BPIFB4: variants seen among roughly 807,000 people sequenced by gnomAD.
BPIFB4 encodes the protein BPI fold-containing family B member 4.
A neutral mutation model predicts 69.2 loss-of-function variants in BPIFB4; 62 were observed. The observed-to-expected ratio is 0.90, with a 90% confidence interval of 0.73 to 1.11. BPIFB4 has a LOEUF of 1.11. Ranked by LOEUF, BPIFB4 falls within the 50% of genes least tolerant of loss-of-function variation. BPIFB4 has a pLI of 0.00. For synonymous variants in BPIFB4, 330 were observed against 332.7 expected (o/e 0.99, Z 0.09); for missense variants, 789 against 792.0 (o/e 1.00, Z 0.04).
intron 7 of BPIFB4, among the ~76,000 whole-genome samples, chr20:33,086,441 CTTTGAAAAGG>C (rs1981432903): frequency 6.6e-6 from 1 of 152,184 alleles, no homozygotes; most frequent in African/African-American, 2.4e-5. Flanking sequence ...TTCTTTCCAG[CTTTGAAAAGG>C]TTTTGATCTG....
intron 11 of BPIFB4, among the ~76,000 whole-genome samples, chr20:33,094,197 C>T (rs970381961): frequency 3.3e-5 from 5 of 152,202 alleles, no homozygotes; most frequent in African/African-American, 1.2e-4. Context: ...TAAGAGAGAA[C>T]AGAGCTCATG....
At chr20:33,085,927 G>T in intron 6 of BPIFB4, 94 bp from the exon 7 acceptor site, 1 of 1,444,216 alleles carries the variant, frequency 6.9e-7, no homozygotes. Flanking sequence ...GAGCGTAGCA[G>T]ATGGCAGGGA....
chr20:33,085,033 C>T (rs1981382592), intron 6 of BPIFB4, 37 bp downstream of exon 6: 1 of 1,593,562 alleles, frequency 6.3e-7, no homozygotes, highest in Non-Finnish European at 8.5e-7. Context: ...CCCCACCACC[C>T]TATGGCCCAA....
chr20:33,097,940 G>T (rs889572928), intron 13 of BPIFB4, among the ~76,000 whole-genome samples, 153 bp downstream of exon 13: 3 of 152,092 alleles, frequency 2.0e-5, no homozygotes, highest in African/African-American at 7.2e-5. Flanking sequence ...CCCAAATCTA[G>T]CCTTTACCAC....
At chr20:33,101,562 C>T (rs1981909166) in intron 14 of BPIFB4, among the ~76,000 whole-genome samples, 1 of 152,084 alleles carries the variant, frequency 6.6e-6, no homozygotes, top group African/African-American at 2.4e-5. Context: ...CTTTCTTTTT[C>T]TTTTCTTTTG....
chr20:33,083,799 G>T lies in BPIFB4; in HGVS notation c.602G>T (p.Gly201Val), dbSNP rs927599334. 3 of 1,613,606 alleles carry T rather than the reference G, an allele frequency of 1.9e-6. No individual in the cohort carries two copies. Among genetic ancestry groups the T allele is most frequent in the African/African-American group, 1.3e-5 (1 of 74,900 alleles). ...GGAGGTGGTCTCCTTGGTGATGGAG[G>T]ACTTCTTGGAGGAGGGGGTGTCCTG... ...LGGGGLLGDG[G>V]LLGGGGVLGV... The change falls in exon 5 of 18, where the codon GGA (glycine) becomes GTA (valine). Residue 201 changes from glycine to valine, a missense_variant. Transcript: ENST00000375483.
chr20:33,085,069 A>G (rs1981384333), intron 6 of BPIFB4, 73 bp downstream of exon 6: 6 of 1,542,706 alleles, frequency 3.9e-6, no homozygotes, highest in Non-Finnish European at 5.2e-6. Flanking sequence ...CACAGAGGCT[A>G]GGAAGACCTA....
chr20:33,105,414 G>A (rs1002507312), intron 16 of BPIFB4, among the ~76,000 whole-genome samples: 1 of 152,110 alleles, frequency 6.6e-6, no homozygotes, highest in Non-Finnish European at 1.5e-5. Flanking sequence ...CCCAGAATCT[G>A]CCCCCCTAGG....
intron 6 of BPIFB4, 53 bp downstream of exon 6, chr20:33,085,049 G>T: frequency 1.3e-6 from 2 of 1,578,034 alleles, no homozygotes; most frequent in Non-Finnish European, 1.7e-6. Context: ...CCCAACCTCT[G>T]TATCCATAAC....
intron 15 of BPIFB4, 98 bp from the exon 16 acceptor site, chr20:33,104,712 T>C: frequency 8.8e-7 from 1 of 1,139,472 alleles, no homozygotes; most frequent in South Asian, 1.4e-5. Flanking sequence ...CCAGAGCAGG[T>C]CTGTGTCTCC....
rs1299798718 is a variant in BPIFB4 at position 33,083,357 on chromosome 20, T to A, written c.170-10T>A. 4 of 1,609,202 alleles carry A rather than the reference T, an allele frequency of 2.5e-6. No homozygotes were observed. The highest frequency in any genetic ancestry group is 1.3e-5 in the African/African-American group (1 of 74,758). On this transcript the variant is annotated splice_polypyrimidine_tract_variant and intron_variant, in intron 4 of 17. Coordinates refer to ENST00000375483, the MANE Select transcript of BPIFB4 (RefSeq NM_182519.3). ...TTACAATGACTACAGACGCATTGAA[T>A]TCCCCCGAGGTGTTGGTGATATTCC...
At chr20:33,106,026 C>T (rs756940357) in intron 16 of BPIFB4, among the ~76,000 whole-genome samples, 35 of 152,284 alleles carry the variant, frequency 2.3e-4, no homozygotes, top group Non-Finnish European at 3.2e-4. Context: ...CATGGCCGAG[C>T]AAGTTTGGGA....
intron 13 of BPIFB4, among the ~76,000 whole-genome samples, chr20:33,099,414 C>T (rs958205902): frequency 2.0e-5 from 3 of 152,170 alleles, no homozygotes; most frequent in African/African-American, 7.2e-5. Flanking sequence ...GGAGATTTTC[C>T]ATCAGCAGCT....
intron 3 of BPIFB4, among the ~76,000 whole-genome samples, chr20:33,082,479 G>A (rs573042951): frequency 7.2e-5 from 11 of 152,004 alleles, no homozygotes; most frequent in Non-Finnish European, 1.3e-4. Flanking sequence ...GATTACAGGT[G>A]CCCACCACCA....
intron 17 of BPIFB4, among the ~76,000 whole-genome samples, chr20:33,110,278 C>T (rs114914495): frequency 8.1e-4 from 124 of 152,186 alleles, no homozygotes; most frequent in African/African-American, 2.8e-3. Context: ...CTATTTTGTG[C>T]GATATGCCCT....
Position 33,097,881 on chromosome 20 carries a change from A to G in BPIFB4, c.1569+94A>G, listed in dbSNP as rs558149469. 3.8e-3 allele frequency: 4,979 copies of G among 1,305,306 alleles called. 16 individuals are homozygous for G. The highest frequency in any genetic ancestry group is 5.0e-3 in the Admixed American group (207 of 41,286). The allele number at this position is 1,305,306 out of a possible 1,614,324, so 80.9% of individuals were successfully genotyped here. ...CCAAAGACCCCTTCAAATCCCCTCA[A>G]TCTCCACCATCATGACTATGGGCCC... On this transcript the variant is annotated intron_variant, in intron 13 of 17. Coordinates refer to ENST00000375483, the MANE Select transcript of BPIFB4 (RefSeq NM_182519.3).
chr20:33,104,487 C>T (rs981567541), intron 15 of BPIFB4, among the ~76,000 whole-genome samples: 34 of 152,296 alleles, frequency 2.2e-4, no homozygotes, highest in African/African-American at 7.9e-4. Flanking sequence ...ACAGTGCCAT[C>T]GGGGCCAGGC....
At chr20:33,088,459 C>T (rs1053370480) in intron 7 of BPIFB4, among the ~76,000 whole-genome samples, 1 of 152,198 alleles carries the variant, frequency 6.6e-6, no homozygotes, top group African/African-American at 2.4e-5. Context: ...ACCAACTATC[C>T]ATCCTTTCTT....
chr20:33,103,139 C>A, intron 15 of BPIFB4, 125 bp downstream of exon 15: 1 of 1,048,586 alleles, frequency 9.5e-7, no homozygotes, highest in South Asian at 1.3e-5. Context: ...AAAGTGCTCC[C>A]GTCAACACTA....
Sources: gnomAD v4.1 joint callset for allele counts (sites outside exome capture counted in the v4.1 genomes callset) on GRCh38, gnomAD v4.1.1 for gene constraint, MANE v1.5 for transcripts, NCBI Gene and HGNC (gene_info 2026-07-23, HGNC 2026-07-21) for gene names.